Variants in FARS2 observed in about 807,000 individuals in gnomAD.
The protein encoded by FARS2 is phenylalanine--tRNA ligase, mitochondrial.
A neutral mutation model predicts 46.4 loss-of-function variants in FARS2; 40 were observed. The ratio of observed to expected loss-of-function variants is 0.86; its 90% CI spans 0.67 to 1.12. FARS2 has a LOEUF of 1.12. Ranked by LOEUF, FARS2 falls within the 50% of genes most tolerant of loss-of-function variation. The probability of loss-of-function intolerance (pLI) is 0.00; values close to 1 mark genes in which losing one functional copy is unlikely to be tolerated. For synonymous variants in FARS2, 234 were observed against 214.9 expected (o/e 1.09, Z -0.78); for missense variants, 513 against 567.9 (o/e 0.90, Z 0.98).
chr6:5,326,226 C>T (rs375005594), intron 1 of FARS2, among the ~76,000 whole-genome samples: 1 of 152,152 alleles, frequency 6.6e-6, no homozygotes, highest in South Asian at 2.1e-4. Context: ...CCTCCTGTTC[C>T]CTCTGATGTG....
chr6:5,533,756 G>C (rs1326001435), intron 4 of FARS2, among the ~76,000 whole-genome samples: 1 of 152,184 alleles, frequency 6.6e-6, no homozygotes, highest in Non-Finnish European at 1.5e-5. Context: ...ACTGAGAAGG[G>C]GATGTTGAAA....
intron 4 of FARS2, among the ~76,000 whole-genome samples, chr6:5,464,375 G>C (rs533038112): frequency 1.3e-5 from 2 of 152,326 alleles, no homozygotes; most frequent in Non-Finnish European, 2.9e-5. Flanking sequence ...TGTCCTCCAA[G>C]TCCATCAGAG....
intron 1 of FARS2, among the ~76,000 whole-genome samples, chr6:5,359,029 C>CATTTTTTTTTTTTTTTTTTTTT (rs764897456): frequency 1.4e-5 from 1 of 72,516 alleles, no homozygotes; most frequent in African/African-American, 4.5e-5. Context: ...GAAAAGATAC[C>CATTTTTTTTTTTTTTTTTTTTT]CTTTTTTTTT....
intron 1 of FARS2, among the ~76,000 whole-genome samples, chr6:5,266,170 T>A (rs762862441): frequency 6.6e-6 from 1 of 152,288 alleles, no homozygotes; most frequent in Non-Finnish European, 1.5e-5. Flanking sequence ...GAAACCCTGA[T>A]TGAGGTCTAA....
Position 5,672,807 on chromosome 6 carries a change from A to G in FARS2, c.1217+59487A>G, listed in dbSNP as rs72819952. 8.7e-3 allele frequency among the ~76,000 whole-genome samples: 1,332 copies of G among 152,260 alleles called. 12 individuals carry two copies. The highest frequency in any genetic ancestry group is 0.02 in the Middle Eastern group (6 of 294). On this transcript the variant is annotated intron_variant, in intron 6 of 6. Coordinates refer to ENST00000274680, the MANE Select transcript of FARS2 (RefSeq NM_006567.5). Reference sequence around the variant, plus strand: ...GCTAAGTTTGGTTGCCACTGACAACATGTGTTCCTCTCTGTTCTTTCCCTG... The same window carrying G: ...GCTAAGTTTGGTTGCCACTGACAACGTGTGTTCCTCTCTGTTCTTTCCCTG...
rs529380464 is a variant in FARS2, at chr6:5,268,260, T to C, written c.-22+6600T>C. Among the ~76,000 whole-genome samples the C allele has an allele frequency of 3.5e-3, 533 of 151,702 alleles. 2 individuals are homozygous for C. Among genetic ancestry groups the C allele is most frequent in the Non-Finnish European group, 4.8e-3 (328 of 67,810 alleles). ...TTTGTTGCCATTGCTTTTGGTGTTTTAGACACGAAGTCCTTGCCCATGCCT... is the reference window on the plus strand; with the variant it reads ...TTTGTTGCCATTGCTTTTGGTGTTTCAGACACGAAGTCCTTGCCCATGCCT... On this transcript the variant is annotated intron_variant, in intron 1 of 6. Transcript: ENST00000274680.
intron 1 of FARS2, among the ~76,000 whole-genome samples, chr6:5,299,042 T>C (rs1768098243): frequency 6.6e-6 from 1 of 152,204 alleles, no homozygotes; most frequent in African/African-American, 2.4e-5. Context: ...TGAAATGATA[T>C]AGTGTGGGTT....
chr6:5,360,569 C>A (rs1257682885), intron 1 of FARS2, among the ~76,000 whole-genome samples: 5 of 151,444 alleles, frequency 3.3e-5, no homozygotes, highest in African/African-American at 1.2e-4. Flanking sequence ...GTAGACCCAG[C>A]ATATTCTGTT....
intron 5 of FARS2, among the ~76,000 whole-genome samples, chr6:5,591,609 A>T (rs1486450221): frequency 6.6e-6 from 1 of 152,214 alleles, no homozygotes; most frequent in Non-Finnish European, 1.5e-5. Flanking sequence ...TGGCATGTGG[A>T]GCTTGAAGGA....
chr6:5,379,611 C>G (rs970188486), intron 2 of FARS2, among the ~76,000 whole-genome samples: 1 of 152,144 alleles, frequency 6.6e-6, no homozygotes, highest in African/African-American at 2.4e-5. Flanking sequence ...GGTGAAATTG[C>G]TTGATATCCA....
At chr6:5,585,062 C>CAT (rs1408799141) in intron 5 of FARS2, among the ~76,000 whole-genome samples, 2 of 152,018 alleles carry the variant, frequency 1.3e-5, no homozygotes, top group South Asian at 2.1e-4. Flanking sequence ...CTTTAAGATT[C>CAT]ATATATATAA....
At chr6:5,500,933 CGA>C (rs58128430) in intron 4 of FARS2, among the ~76,000 whole-genome samples, 2,784 of 143,560 alleles carry the variant, frequency 0.019, 75 homozygotes, top group African/African-American at 0.059. Context: ...TTCAAATCCC[CGA>C]GAGAGAGAGA....
intron 6 of FARS2, among the ~76,000 whole-genome samples, chr6:5,646,129 T>TA (rs1777062297): frequency 2.0e-5 from 3 of 147,508 alleles, no homozygotes; most frequent in Non-Finnish European, 4.4e-5. Flanking sequence ...AGCAGGGAGA[T>TA]AAGAGAGGGA....
At chr6:5,401,061 A>G (rs2127712694) in intron 2 of FARS2, among the ~76,000 whole-genome samples, 1 of 151,994 alleles carries the variant, frequency 6.6e-6, no homozygotes, top group South Asian at 2.1e-4. Context: ...TTTTAGGTGT[A>G]TCTTTTGTAT....
chr6:5,518,281 G>A (rs1345005278), intron 4 of FARS2, among the ~76,000 whole-genome samples: 1 of 152,180 alleles, frequency 6.6e-6, no homozygotes, highest in African/African-American at 2.4e-5. Context: ...TTCCTGTTTT[G>A]GGTGACAGGT....
intron 5 of FARS2, among the ~76,000 whole-genome samples, chr6:5,612,494 G>A (rs902061161): frequency 5.3e-5 from 8 of 152,226 alleles, no homozygotes; most frequent in Non-Finnish European, 7.4e-5. Flanking sequence ...ATATTTGTGT[G>A]TGTGTGTGAA....
chr6:5,626,887 T>C (rs995592828), intron 6 of FARS2, among the ~76,000 whole-genome samples: 3 of 152,244 alleles, frequency 2.0e-5, no homozygotes, highest in African/African-American at 7.2e-5. Flanking sequence ...ACTGCACACA[T>C]AGGCTGTATG....
chr6:5,539,384 G>GTGTGTATATATATATATATATATATA lies in FARS2; in HGVS notation c.905-5795_905-5794insGTGTATATATATATATATATATATAT. The stretch of plus-strand genomic sequence containing the variant: ...ACCATGCCCACCTAATTTTTTTTGT[G>GTGTGTATATATATATATATATATATA]TATATATATATATATGTATATATTT... On this transcript the variant is annotated intron_variant, in intron 4 of 6. Transcript: ENST00000274680. Among the ~76,000 whole-genome samples, 95 of 79,572 alleles carry GTGTGTATATATATATATATATATATA rather than the reference G, an allele frequency of 1.2e-3. 3 individuals carry two copies. The highest frequency in any genetic ancestry group is 6.4e-3 in the Middle Eastern group (1 of 156). 52.2% of individuals were successfully genotyped at this position (79,572 alleles called of 152,430 possible). A position where few individuals can be genotyped will look rare whatever the true frequency, so the allele number is the denominator to read the frequency against.
At chr6:5,419,052 A>G (rs1210170438) in intron 3 of FARS2, among the ~76,000 whole-genome samples, 3 of 151,908 alleles carry the variant, frequency 2.0e-5, no homozygotes, top group Non-Finnish European at 4.4e-5. Flanking sequence ...CCTTCATTAT[A>G]TTCTTACATC....
Sources: allele counts gnomAD v4.1 joint callset (sites outside exome capture counted in the v4.1 genomes callset), GRCh38; gene constraint gnomAD v4.1.1; transcripts MANE v1.5; gene names NCBI Gene and HGNC (gene_info 2026-07-23, HGNC 2026-07-21).